Variants in SLC7A14 observed in about 807,000 individuals in gnomAD.
SLC7A14 encodes the protein gamma-aminobutyric acid transporter SLC7A14.
SLC7A14 carries 37 observed loss-of-function variants against 60.2 expected under a neutral mutation model. The observed-to-expected ratio is 0.61, with a 90% CI of 0.47 to 0.81. The LOEUF (loss-of-function observed/expected upper bound fraction) is 0.81. Among genes scored for constraint, SLC7A14 ranks in the 30% least tolerant of loss-of-function variants. SLC7A14 has a pLI of 0.00. For missense variants in SLC7A14, 886 were observed against 982.7 expected (o/e 0.90, Z 1.32); for synonymous variants, 399 against 395.8 (o/e 1.01, Z -0.10).
intron 6 of SLC7A14, among the ~76,000 whole-genome samples, chr3:170,481,684 G>A (rs1281027768): frequency 2.6e-5 from 4 of 152,150 alleles, no homozygotes; most frequent in African/African-American, 9.7e-5. Flanking sequence ...ATAGGTGTGA[G>A]CCACTGTGCC....
chr3:170,561,324 C>CTG (rs1714642806), intron 1 of SLC7A14, among the ~76,000 whole-genome samples: 1 of 152,186 alleles, frequency 6.6e-6, no homozygotes, highest in Non-Finnish European at 1.5e-5. Flanking sequence ...TGGGCAATTG[C>CTG]TGTGTGTGCA....
chr3:170,471,906 C>T (rs1187275080), intron 7 of SLC7A14, among the ~76,000 whole-genome samples: 1 of 152,114 alleles, frequency 6.6e-6, no homozygotes, highest in Admixed American at 6.5e-5. Flanking sequence ...CAGTAAGAAA[C>T]TAAAGGCAGG....
At chr3:170,529,986 T>C (rs1245362707) in intron 1 of SLC7A14, among the ~76,000 whole-genome samples, 1 of 152,192 alleles carries the variant, frequency 6.6e-6, no homozygotes, top group South Asian at 2.1e-4. Flanking sequence ...CACCTTAGTC[T>C]TGGATTTCTA....
Position 170,532,485 on chromosome 3 carries a change from G to T in SLC7A14, c.-152-5397C>A, listed in dbSNP as rs1713707633. On this transcript the variant is annotated intron_variant, in intron 1 of 7. Transcript: ENST00000231706. This position sits in a 1 kb window ranked among gnomAD's most constrained non-coding sequence, Gnocchi z 4.0. Reference sequence around the variant, plus strand: ...CTGCCTTTACTAACTAAGTGACCTTGGGCAAACCTCACTATGCGTCAGTTT... The same window carrying T: ...CTGCCTTTACTAACTAAGTGACCTTTGGCAAACCTCACTATGCGTCAGTTT... 6.6e-6 allele frequency among the ~76,000 whole-genome samples: 1 copy of T among 152,172 alleles called. No individual in the cohort carries two copies. The highest frequency in any genetic ancestry group is 2.1e-4 in the South Asian group (1 of 4,828).
chr3:170,513,671 G>A (rs954292384), intron 2 of SLC7A14, among the ~76,000 whole-genome samples: 5 of 152,226 alleles, frequency 3.3e-5, no homozygotes, highest in Admixed American at 6.5e-5. Flanking sequence ...ACATATTCAT[G>A]ACTTTTAACA....
At chr3:170,519,731 G>A (rs1012236317) in intron 2 of SLC7A14, among the ~76,000 whole-genome samples, 1 of 152,160 alleles carries the variant, frequency 6.6e-6, no homozygotes, top group Non-Finnish European at 1.5e-5. Context: ...AGCCAAGATC[G>A]TGCCACTGCA....
At chr3:170,495,937 A>G in intron 4 of SLC7A14, 1 of 1,414,458 alleles carries the variant, frequency 7.1e-7, no homozygotes. Context: ...GGCAATATGC[A>G]GGGGCTGGTG....
At chr3:170,492,218 C>G (rs1712242206) in intron 4 of SLC7A14, among the ~76,000 whole-genome samples, 1 of 152,114 alleles carries the variant, frequency 6.6e-6, no homozygotes, top group South Asian at 2.1e-4. Context: ...GGGTGAGCAT[C>G]TGTGAATAAA....
At chr3:170,467,471 T>TGGTG in intron 7 of SLC7A14, 94 bp from the exon 8 acceptor site, 1 of 100,900 alleles carries the variant, frequency 9.9e-6, no homozygotes, top group Non-Finnish European at 1.7e-5. Flanking sequence ...AAATCAAAGC[T>TGGTG]GGCGGGGTGG....
At chr3:170,525,826 G>T (rs1032449553) in intron 2 of SLC7A14, among the ~76,000 whole-genome samples, 4 of 152,098 alleles carry the variant, frequency 2.6e-5, no homozygotes, top group African/African-American at 9.7e-5. Flanking sequence ...CGGCCGAGGC[G>T]GGCGGATCAC....
At position 170,464,365 on chromosome 3, in the gene SLC7A14, T is replaced by C. The variant is rs1037117601; in HGVS notation, c.*2690A>G. 1.3e-5 allele frequency: 2 copies of C among 152,202 alleles called. No individual in the cohort carries two copies. The highest frequency in any genetic ancestry group is 3.8e-4 in the East Asian group (2 of 5,198). 9.4% of individuals were successfully genotyped at this position (152,202 alleles called of 1,614,324 possible). Reference sequence around the variant, plus strand: ...CAAAGTTTCTAAGATAATTATAAGGTGATCTTACTTTTAATGTGATCCCAC... The same window carrying C: ...CAAAGTTTCTAAGATAATTATAAGGCGATCTTACTTTTAATGTGATCCCAC... On this transcript the variant is annotated 3_prime_UTR_variant, in exon 8 of 8. Coordinates refer to ENST00000231706, the MANE Select transcript of SLC7A14 (RefSeq NM_020949.3).
intron 1 of SLC7A14, among the ~76,000 whole-genome samples, chr3:170,571,562 G>T (rs1002455959): frequency 1.3e-5 from 2 of 152,146 alleles, no homozygotes; most frequent in East Asian, 3.8e-4. Flanking sequence ...TGAGGCAATT[G>T]GGACTTCATA....
intron 2 of SLC7A14, among the ~76,000 whole-genome samples, chr3:170,514,810 C>T (rs1169833542): frequency 6.6e-6 from 1 of 152,188 alleles, no homozygotes; most frequent in Non-Finnish European, 1.5e-5. Context: ...CTGGCCAATA[C>T]TCTTGGTAGT....
chr3:170,506,023 G>C (rs1712770995), intron 2 of SLC7A14, among the ~76,000 whole-genome samples: 1 of 152,088 alleles, frequency 6.6e-6, no homozygotes, highest in African/African-American at 2.4e-5. Context: ...ACATTTTGTG[G>C]TTATCCACCA....
In SLC7A14 at chr3:170,549,594, T is replaced by C. The variant is rs1714282717; in HGVS notation, c.-152-22506A>G. On this transcript the variant is annotated intron_variant, in intron 1 of 7. Transcript: ENST00000231706. ...TTATATAAGCCCAAGCTGAGGAAGT[T>C]TGTTTAAATATCGCCAGTGTGACAC... is the stretch of plus-strand genomic sequence containing the variant. Among the ~76,000 whole-genome samples, 3 of 152,186 alleles carry C rather than the reference T, an allele frequency of 2.0e-5. No homozygotes were observed. In the South Asian group the frequency reaches 6.2e-4, roughly 32 times the overall value.
At chr3:170,509,181 G>A (rs1442722349) in intron 2 of SLC7A14, among the ~76,000 whole-genome samples, 1 of 152,148 alleles carries the variant, frequency 6.6e-6, no homozygotes, top group African/African-American at 2.4e-5. Flanking sequence ...TTTTACAAAG[G>A]TGTCTGAAGG....
chr3:170,544,568 C>T (rs1403787853), intron 1 of SLC7A14, among the ~76,000 whole-genome samples: 3 of 152,180 alleles, frequency 2.0e-5, no homozygotes, highest in Non-Finnish European at 4.4e-5. Flanking sequence ...ATAAACCCAT[C>T]ATAAGTTTAA....
chr3:170,562,503 G>A (rs910669931), intron 1 of SLC7A14, among the ~76,000 whole-genome samples: 11 of 152,100 alleles, frequency 7.2e-5, no homozygotes, highest in African/African-American at 2.2e-4. Context: ...AGGGTGGGAA[G>A]GGGGTGAGGG....
chr3:170,576,552 G>A (rs1056379778), intron 1 of SLC7A14, among the ~76,000 whole-genome samples: 1 of 152,176 alleles, frequency 6.6e-6, no homozygotes, highest in African/African-American at 2.4e-5. Flanking sequence ...CTTACTGGAA[G>A]TCTGGTCATA....
Sources: gnomAD v4.1 joint callset for allele counts (sites outside exome capture counted in the v4.1 genomes callset) on GRCh38, gnomAD v4.1.1 for gene constraint, Gnocchi (gnomAD v3.1) non-coding constraint, MANE v1.5 for transcripts, NCBI Gene and HGNC (gene_info 2026-07-23, HGNC 2026-07-21) for gene names.